The following MVB12B variants were observed in gnomAD, a reference collection of about 807,000 sequenced individuals.
MVB12B encodes multivesicular body subunit 12B.
MVB12B carries 16 observed loss-of-function variants against 41.6 expected under a neutral mutation model. The ratio of observed to expected loss-of-function variants is 0.38; its 90% CI spans 0.26 to 0.58. MVB12B has a LOEUF of 0.58. MVB12B is among the 20% of genes least tolerant of loss of function. The pLI, the probability that MVB12B is intolerant of heterozygous loss-of-function variation, is 0.62. For missense variants in MVB12B, 274 were observed against 380.2 expected, an observed-to-expected ratio of 0.72 and a Z score of 2.32; for synonymous variants, 133 against 139.7, an observed-to-expected ratio of 0.95 and a Z score of 0.34.
At chr9:126,458,915 T>C (rs996125352) in intron 7 of MVB12B, among the ~76,000 whole-genome samples, 20 of 152,206 alleles carry the variant, frequency 1.3e-4, no homozygotes, top group Admixed American at 7.9e-4. Flanking sequence ...AAACACCCTC[T>C]GTCTGGAATC....
chr9:126,467,530 G>T (rs1833224414), intron 7 of MVB12B, among the ~76,000 whole-genome samples: 1 of 152,172 alleles, frequency 6.6e-6, no homozygotes, highest in Non-Finnish European at 1.5e-5. Flanking sequence ...TTCCTCATCA[G>T]ATTTTCACCT....
At chr9:126,450,373 T>A (rs924601455) in intron 7 of MVB12B, among the ~76,000 whole-genome samples, 4 of 152,214 alleles carry the variant, frequency 2.6e-5, no homozygotes, top group Admixed American at 2.0e-4. Flanking sequence ...CTAGCCCCCA[T>A]TGGGGTGACA....
intron 7 of MVB12B, among the ~76,000 whole-genome samples, chr9:126,430,436 C>T (rs183550865): frequency 9.2e-5 from 14 of 152,302 alleles, no homozygotes; most frequent in Non-Finnish European, 1.5e-4. Flanking sequence ...GCTGCCTCTC[C>T]ATCAGGCTTT....
At chr9:126,338,294 C>T (rs1047575049) in intron 1 of MVB12B, among the ~76,000 whole-genome samples, 3 of 152,218 alleles carry the variant, frequency 2.0e-5, no homozygotes, top group Non-Finnish European at 2.9e-5. Context: ...GGGGGCCGCC[C>T]GCAGCCATCT....
At chr9:126,347,287 G>A (rs1829621611) in intron 2 of MVB12B, among the ~76,000 whole-genome samples, 1 of 152,224 alleles carries the variant, frequency 6.6e-6, no homozygotes, top group Non-Finnish European at 1.5e-5. Context: ...CCAGCCTTGG[G>A]CTCGGCCTGT....
chr9:126,417,033 G>C (rs945723028), intron 6 of MVB12B, among the ~76,000 whole-genome samples: 1 of 152,222 alleles, frequency 6.6e-6, no homozygotes, highest in Non-Finnish European at 1.5e-5. Flanking sequence ...TTAATGGGAA[G>C]CCTTGATGTG....
At chr9:126,497,217 A>T (rs1193411815) in intron 9 of MVB12B, among the ~76,000 whole-genome samples, 3 of 152,046 alleles carry the variant, frequency 2.0e-5, no homozygotes. Context: ...ACATGGAACC[A>T]GCGGGGCCCT....
intron 7 of MVB12B, among the ~76,000 whole-genome samples, chr9:126,466,155 C>T (rs948416824): frequency 6.6e-6 from 1 of 152,214 alleles, no homozygotes; most frequent in Non-Finnish European, 1.5e-5. Context: ...TTATGCTGGT[C>T]TGGGTCAACC....
intron 9 of MVB12B, among the ~76,000 whole-genome samples, chr9:126,500,394 C>A (rs1833929419): frequency 1.3e-5 from 2 of 152,118 alleles, no homozygotes; most frequent in South Asian, 4.1e-4. Context: ...CCTCCCCCAA[C>A]CAGTCCTTCC....
chr9:126,444,479 T>G (rs1187267922), intron 7 of MVB12B, among the ~76,000 whole-genome samples: 1 of 152,218 alleles, frequency 6.6e-6, no homozygotes, highest in Non-Finnish European at 1.5e-5. Context: ...GAGCCACTTG[T>G]GTTACTCGAG....
At chr9:126,493,870 C>A (rs1833781213) in intron 9 of MVB12B, among the ~76,000 whole-genome samples, 1 of 152,154 alleles carries the variant, frequency 6.6e-6, no homozygotes, top group African/African-American at 2.4e-5. Context: ...TGATGGCTTT[C>A]CAGCTGCATT....
intron 9 of MVB12B, among the ~76,000 whole-genome samples, chr9:126,489,773 C>T (rs1320575423): frequency 6.6e-6 from 1 of 152,210 alleles, no homozygotes; most frequent in East Asian, 1.9e-4. Flanking sequence ...CTTTGCTGTC[C>T]TCCCAGGGCC....
intron 9 of MVB12B, among the ~76,000 whole-genome samples, chr9:126,500,839 G>A (rs1449938849): frequency 6.6e-6 from 1 of 152,192 alleles, no homozygotes; most frequent in East Asian, 1.9e-4. Flanking sequence ...AGATGTGAAT[G>A]CCCCCTGCCC....
chr9:126,365,920 A>G (rs1245013588), intron 2 of MVB12B, among the ~76,000 whole-genome samples: 1 of 152,206 alleles, frequency 6.6e-6, no homozygotes, highest in African/African-American at 2.4e-5. Context: ...CTGAAGGATT[A>G]AAATGAAAAC....
At chr9:126,484,478 C>T (rs901638763) in intron 9 of MVB12B, among the ~76,000 whole-genome samples, 4 of 151,834 alleles carry the variant, frequency 2.6e-5, no homozygotes, top group Middle Eastern at 3.4e-3. Flanking sequence ...CACTGTGCTT[C>T]ATGAGGTCAG....
intron 2 of MVB12B, among the ~76,000 whole-genome samples, chr9:126,372,417 A>T (rs916557508): frequency 3.9e-5 from 6 of 152,208 alleles, no homozygotes; most frequent in African/African-American, 1.4e-4. Flanking sequence ...GTCATATGCT[A>T]ACTCTATGTC....
At chr9:126,356,702 C>T (rs1347803469) in intron 2 of MVB12B, among the ~76,000 whole-genome samples, 3 of 152,118 alleles carry the variant, frequency 2.0e-5, no homozygotes, top group Admixed American at 1.3e-4. Flanking sequence ...GATTGGATCA[C>T]GAGGGCGGAT....
chr9:126,447,826 TTTTGTATG>T (rs1219822321), intron 7 of MVB12B, among the ~76,000 whole-genome samples: 2 of 152,248 alleles, frequency 1.3e-5, no homozygotes, highest in Non-Finnish European at 2.9e-5. Context: ...ATTGGTTTTA[TTTTGTATG>T]TTCCTATGCA....
chr9:126,468,431 T>A lies in MVB12B; in HGVS notation c.758-12938T>A, dbSNP rs1833242444. On this transcript the variant is annotated intron_variant, in intron 7 of 9. Transcript: ENST00000361171. The surrounding 1 kb of genome is among the most constrained non-coding windows in gnomAD (Gnocchi z 4.3). ...GCGGGACCCACGAGTTCATCTCTGC[T>A]GCTTTTCCGCTGGCCCCCACGCCCC... Among the ~76,000 whole-genome samples, 1 of 152,210 alleles carries A rather than the reference T, an allele frequency of 6.6e-6. No homozygotes were observed. The highest frequency in any genetic ancestry group is 1.5e-5 in the Non-Finnish European group (1 of 68,050).
Sources: allele counts gnomAD v4.1 joint callset (sites outside exome capture counted in the v4.1 genomes callset), GRCh38; gene constraint gnomAD v4.1.1; non-coding constraint Gnocchi (gnomAD v3.1); transcripts MANE v1.5; gene names NCBI Gene and HGNC (gene_info 2026-07-23, HGNC 2026-07-21).